POM121L2: variants seen among roughly 807,000 people sequenced by gnomAD.
POM121L2 encodes the protein POM121-like protein 2.
For missense variants in POM121L2, 1,167 were observed against 1,260.3 expected, an observed-to-expected ratio of 0.93 and a Z score of 1.12; for synonymous variants, 459 against 483.8, an observed-to-expected ratio of 0.95 and a Z score of 0.67.
chr6:27,309,736 A>T lies in POM121L2; in HGVS notation c.2435T>A (p.Met812Lys). ...GSSAVALPTPMPTPAQPAFIS... is the reference protein window; with the variant it reads ...GSSAVALPTPKPTPAQPAFIS... ...GAAGGCTGGCTGAGCTGGAGTTGGCATGGGGGTTGGCAATGCCACTGCTGA... is the reference window on the plus strand; with the variant it reads ...GAAGGCTGGCTGAGCTGGAGTTGGCTTGGGGGTTGGCAATGCCACTGCTGA... Residue 812 changes from methionine (M) to lysine (K), a missense_variant, in exon 1 of 1, where the codon ATG (methionine) becomes AAG (lysine). Physicochemically the swap from Met to Lys is moderately conservative, Grantham distance 95. Coordinates refer to ENST00000444565, the MANE Select transcript of POM121L2 (RefSeq NM_033482.4). 1 of 1,551,688 alleles carries T rather than the reference A, an allele frequency of 6.4e-7. No individual in the cohort carries two copies. Among genetic ancestry groups the T allele is most frequent in the Non-Finnish European group, 8.7e-7 (1 of 1,146,990 alleles).
In POM121L2 at chr6:27,309,132, G is replaced by C. The variant is rs768139368; in HGVS notation, c.3039C>G (p.Gly1013=). ...GATTCTTTGGGGTTTTTGATTTTGC[G>C]CCAATGGAAAATGAAGAGGCTGATG... ...FRSSASSFSI[G]AKSKTPKNRE... The change falls in exon 1 of 1, where the codon GGC becomes GGG. Residue 1013 remains glycine, a synonymous_variant. Transcript: ENST00000444565. 1.9e-5 allele frequency: 30 copies of C among 1,551,636 alleles called. No homozygotes were observed. The highest frequency in any genetic ancestry group is 2.6e-5 in the Non-Finnish European group (30 of 1,147,018).
At position 27,311,138 on chromosome 6, in the gene POM121L2, A is replaced by G. The variant is rs1289935959; in HGVS notation, c.1033T>C (p.Ser345Pro). ...TTCCCCAAAGTCAAGTTCTCATCAG[A>G]GACTGCATAACCAAGCTGGGGAGGT... ...IPPPQLGYAV[S>P]DENLTLGKKA... The change falls in exon 1 of 1, where the codon TCT becomes CCT. Residue 345 changes from serine to proline, a missense_variant. Ser to Pro is a moderately conservative substitution (Grantham distance 74, BLOSUM62 -1). Coordinates refer to ENST00000444565, the MANE Select transcript of POM121L2 (RefSeq NM_033482.4). 1.3e-6 allele frequency: 2 copies of G among 1,551,730 alleles called. No homozygotes were observed. The highest frequency in any genetic ancestry group is 8.7e-7 in the Non-Finnish European group (1 of 1,147,046).
chr6:27,310,599 A>T lies in POM121L2; in HGVS notation c.1572T>A (p.Pro524=). 6.4e-7 allele frequency: 1 copy of T among 1,551,940 alleles called. No individual in the cohort carries two copies. The highest frequency in any genetic ancestry group is 1.2e-5 in the South Asian group (1 of 84,064). The change falls in exon 1 of 1, where the codon CCT becomes CCA. Residue 524 remains proline, a synonymous_variant. Coordinates refer to ENST00000444565, the MANE Select transcript of POM121L2 (RefSeq NM_033482.4). ...SPTSHLSASA[P]PDATSAHLML... ...TGAGGTGAGCAGAAGTTGCATCAGG[A>T]GGTGCAGATGCAGAAAGATGGGATG...
chr6:27,309,463 G>C lies in POM121L2; in HGVS notation c.2708C>G (p.Ser903Cys), dbSNP rs1242486922. The change falls in exon 1 of 1, where the codon TCT (serine) becomes TGT (cysteine). Residue 903 changes from serine (S) to cysteine (C), a missense_variant. By Grantham distance (112) the Ser-to-Cys change is moderately radical. Transcript: ENST00000444565. The stretch of plus-strand genomic sequence containing the variant: ...GTCTGGACCAGTCATTATGATCCCA[G>C]ACTCATCACAGTCCATAGGGGTCAC... ...GFVTPMDCDE[S>C]GIIMTGPDMS... 5.2e-6 allele frequency: 8 copies of C among 1,551,614 alleles called. No homozygotes were observed. The highest frequency in any genetic ancestry group is 7.0e-6 in the Non-Finnish European group (8 of 1,146,990).
At position 27,309,358 on chromosome 6, in the gene POM121L2, C is replaced by T; in HGVS notation, c.2813G>A (p.Gly938Asp). 6.4e-7 allele frequency: 1 copy of T among 1,551,572 alleles called. No homozygotes were observed. The highest frequency in any genetic ancestry group is 1.2e-5 in the South Asian group (1 of 84,034). ...CAGGCCTTCAGTGTTCTGGCTCCAG[C>T]CTTTTCCAAAGGGGATCATGGTGTT... ...TTNTMIPFGK[G>D]WSQNTEGLPS... Residue 938 changes from glycine (G) to aspartate (D), a missense_variant, in exon 1 of 1, where the codon GGC (glycine) becomes GAC (aspartate). Physicochemically the swap from Gly to Asp is moderately conservative, Grantham distance 94. Transcript: ENST00000444565.
chr6:27,310,541 T>C lies in POM121L2; in HGVS notation c.1630A>G (p.Ser544Gly), dbSNP rs1237855265. Reference protein sequence around the residue: ...LKPILGPLHNSEIGSSSYSRI... With the variant: ...LKPILGPLHNGEIGSSSYSRI... ...GAATATGAGGAGCTTCCAATCTCGC[T>C]GTTGTGCAGGGGCCCCAAAATCGGT... The change falls in exon 1 of 1, where the codon AGC (serine) becomes GGC (glycine). Residue 544 changes from serine to glycine, a missense_variant. Transcript: ENST00000444565. The C allele has an allele frequency of 6.4e-7, 1 of 1,552,098 alleles. No individual in the cohort carries two copies. Among genetic ancestry groups the C allele is most frequent in the Non-Finnish European group, 8.7e-7 (1 of 1,147,124 alleles).
Position 27,309,668 on chromosome 6 carries a change from C to A in POM121L2, c.2503G>T (p.Ala835Ser). Residue 835 changes from alanine (A) to serine (S), a missense_variant, in exon 1 of 1, where the codon GCC (alanine) becomes TCC (serine). Physicochemically the swap from Ala to Ser is moderately conservative, Grantham distance 99. Coordinates refer to ENST00000444565, the MANE Select transcript of POM121L2 (RefSeq NM_033482.4). Reference sequence around the variant, plus strand: ...CTGGCAGGGGTTTGAGAGGTGGAGGCTGAGGGTGTCAAACACCCCAAGGCT... The same window carrying A: ...CTGGCAGGGGTTTGAGAGGTGGAGGATGAGGGTGTCAAACACCCCAAGGCT... ...QSALGCLTPS[A>S]STSQTPASTW... 6.4e-7 allele frequency: 1 copy of A among 1,551,708 alleles called. No homozygotes were observed. Among genetic ancestry groups the A allele is most frequent in the Non-Finnish European group, 8.7e-7 (1 of 1,147,010 alleles).
Position 27,309,602 on chromosome 6 carries a change from T to G in POM121L2, c.2569A>C (p.Ile857Leu). 1 of 1,551,734 alleles carries G rather than the reference T, an allele frequency of 6.4e-7. No individual in the cohort carries two copies. Among genetic ancestry groups the G allele is most frequent in the Non-Finnish European group, 8.7e-7 (1 of 1,146,984 alleles). Residue 857 changes from isoleucine (I) to leucine (L), a missense_variant, in exon 1 of 1, where the codon ATT becomes CTT. Transcript: ENST00000444565. ...GIGGIPAGFP[I>L]SQASTTGFRI... ...AACCCAGTTGTACTAGCTTGACTAA[T>G]GGGAAAACCTGCTGGAATGCCGCCA... is the stretch of plus-strand genomic sequence containing the variant.
Position 27,310,974 on chromosome 6 carries a change from C to T in POM121L2, c.1197G>A (p.Gln399=). The T allele has an allele frequency of 6.4e-7, 1 of 1,551,924 alleles. No homozygotes were observed. The highest frequency in any genetic ancestry group is 8.7e-7 in the Non-Finnish European group (1 of 1,146,884). Residue 399 remains glutamine, a synonymous_variant, in exon 1 of 1, where the codon CAG becomes CAA. Transcript: ENST00000444565. The stretch of plus-strand genomic sequence containing the variant: ...AGTTTTCCAACTGAGGATTTGCTCC[C>T]TGGGTTAGATCTGTTTCTGAAGAAG... ...ALPSSETDLT[Q]GANPQLENLR... is the part of the protein sequence containing the mutation.
rs1760700331 is a variant in POM121L2, at chr6:27,308,451, T to G, written c.*612A>C. On this transcript the variant is annotated 3_prime_UTR_variant, in exon 1 of 1. Coordinates refer to ENST00000444565, the MANE Select transcript of POM121L2 (RefSeq NM_033482.4). ...AAATAAATGTTCTTCAACAGGTGAA[T>G]GGATAAATGAACTGTGGTATACTCA... is the stretch of plus-strand genomic sequence containing the variant. Among the ~76,000 whole-genome samples the G allele has an allele frequency of 6.6e-6, 1 of 152,168 alleles. No homozygotes were observed. The highest frequency in any genetic ancestry group is 6.5e-5 in the Admixed American group (1 of 15,276).
rs1171514948 is a variant in POM121L2 at position 27,310,563 on chromosome 6, C to T, written c.1608G>A (p.Pro536=). 25 of 1,551,924 alleles carry T rather than the reference C, an allele frequency of 1.6e-5. No individual in the cohort carries two copies. The highest frequency in any genetic ancestry group is 4.9e-5 in the East Asian group (2 of 40,932). ...CGCTGTTGTGCAGGGGCCCCAAAAT[C>T]GGTTTTAACATGAGGTGAGCAGAAG... ...DATSAHLMLK[P]ILGPLHNSEI... is the part of the protein sequence containing the mutation. Residue 536 remains proline (P), a synonymous_variant, in exon 1 of 1, where the codon CCG becomes CCA. Transcript: ENST00000444565.
chr6:27,310,703 C>T lies in POM121L2; in HGVS notation c.1468G>A (p.Asp490Asn), dbSNP rs536575912. Residue 490 changes from aspartate to asparagine, a missense_variant, in exon 1 of 1, where the codon GAC becomes AAC. Transcript: ENST00000444565. Reference sequence around the variant, plus strand: ...GGGTCTGGGGGCATGGGAGACCTGTCAGCCTGAGAGGTTGAAGGCGGCCAG... The same window carrying T: ...GGGTCTGGGGGCATGGGAGACCTGTTAGCCTGAGAGGTTGAAGGCGGCCAG... Reference protein sequence around the residue: ...TTWPPSTSQADRSPMPPDPPA... With the variant: ...TTWPPSTSQANRSPMPPDPPA... 1 of 1,551,870 alleles carries T rather than the reference C, an allele frequency of 6.4e-7. No homozygotes were observed. Among genetic ancestry groups the T allele is most frequent in the South Asian group, 1.2e-5 (1 of 84,046 alleles).
rs1395124027 is a variant in POM121L2 at position 27,311,398 on chromosome 6, C to A, written c.773G>T (p.Ser258Ile). Residue 258 changes from serine (S) to isoleucine (I), a missense_variant, in exon 1 of 1, where the codon AGC becomes ATC. Ser to Ile is a moderately radical substitution (Grantham distance 142). Transcript: ENST00000444565. The stretch of plus-strand genomic sequence containing the variant: ...GAAATTTCTGCAAGAGCTGTAAGAG[C>A]TGCCAATAGCATTCCTTTTGGAGCT... ...TLSSKRNAIG[S>I]SYSSCRNFSD... is the part of the protein sequence containing the mutation. 4 of 1,551,756 alleles carry A rather than the reference C, an allele frequency of 2.6e-6. No individual in the cohort carries two copies. In the South Asian group the frequency reaches 4.8e-5, roughly 18 times the overall value.
chr6:27,310,191 G>A lies in POM121L2; in HGVS notation c.1980C>T (p.Ser660=), dbSNP rs1219316188. 1.9e-6 allele frequency: 3 copies of A among 1,552,224 alleles called. No homozygotes were observed. The highest frequency in any genetic ancestry group is 1.7e-6 in the Non-Finnish European group (2 of 1,147,108). Residue 660 remains serine (S), a synonymous_variant, in exon 1 of 1, where the codon TCC becomes TCT. Transcript: ENST00000444565. Reference sequence around the variant, plus strand: ...TCCCAAGCAGGAAAGTGTCGCAAGTGGAAGGGACAGAATAAGTGTTGCCTA... The same window carrying A: ...TCCCAAGCAGGAAAGTGTCGCAAGTAGAAGGGACAGAATAAGTGTTGCCTA... The part of the protein sequence containing the change: ...SAVGNTYSVP[S]TCDTFLLGTA...
rs1485036815 is a variant in POM121L2, at chr6:27,309,239, G to T, written c.2932C>A (p.Gln978Lys). 5 of 1,551,726 alleles carry T rather than the reference G, an allele frequency of 3.2e-6. No homozygotes were observed. In the African/African-American group the frequency reaches 5.5e-5, roughly 17 times the overall value. ...CCAACACTGCTGCCTGCCTTAGCTT[G>T]TCCAGGGACTGGGGTGTTTTGAGCA... ...PIAQNTPVPG[Q>K]AKAGSSVGFG... Residue 978 changes from glutamine to lysine, a missense_variant, in exon 1 of 1, where the codon CAA (glutamine) becomes AAA (lysine). Transcript: ENST00000444565.
In POM121L2 at chr6:27,309,455, T is replaced by C; in HGVS notation, c.2716A>G (p.Ile906Val). 1 of 1,551,674 alleles carries C rather than the reference T, an allele frequency of 6.4e-7. No homozygotes were observed. Among genetic ancestry groups the C allele is most frequent in the South Asian group, 1.2e-5 (1 of 84,048 alleles). Reference protein sequence around the residue: ...TPMDCDESGIIMTGPDMSPTS... With the variant: ...TPMDCDESGIVMTGPDMSPTS... Reference sequence around the variant, plus strand: ...GGGCTCATGTCTGGACCAGTCATTATGATCCCAGACTCATCACAGTCCATA... The same window carrying C: ...GGGCTCATGTCTGGACCAGTCATTACGATCCCAGACTCATCACAGTCCATA... The change falls in exon 1 of 1, where the codon ATA becomes GTA. Residue 906 changes from isoleucine to valine, a missense_variant. Transcript: ENST00000444565.
In POM121L2 at chr6:27,308,994, G is replaced by T; in HGVS notation, c.*69C>A. Reference sequence around the variant, plus strand: ...GGAGTATGTTTACTTTAGAAAATTGGAAGACACTGAGGTTTTTCAAAAACA... The same window carrying T: ...GGAGTATGTTTACTTTAGAAAATTGTAAGACACTGAGGTTTTTCAAAAACA... On this transcript the variant is annotated 3_prime_UTR_variant, in exon 1 of 1. Transcript: ENST00000444565. 3 of 1,194,002 alleles carry T rather than the reference G, an allele frequency of 2.5e-6. No individual in the cohort carries two copies. The highest frequency in any genetic ancestry group is 3.5e-6 in the Non-Finnish European group (3 of 862,932). 74.0% of individuals were successfully genotyped at this position (1,194,002 alleles called of 1,614,324 possible).
Position 27,311,658 on chromosome 6 carries a change from C to A in POM121L2, c.513G>T (p.Gly171=). ...RALRECRKGK[G]RLEEPLFPES... is the part of the protein sequence containing the mutation. ...CAGGGAATAGTGGTTCTTCCAACCT[C>A]CCTTTCCCTTTTCTGCACTCTCTGA... is the stretch of plus-strand genomic sequence containing the variant. Residue 171 remains glycine, a synonymous_variant, in exon 1 of 1, where the codon GGG becomes GGT. Coordinates refer to ENST00000444565, the MANE Select transcript of POM121L2 (RefSeq NM_033482.4). 1 of 1,551,874 alleles carries A rather than the reference C, an allele frequency of 6.4e-7. No homozygotes were observed.
In POM121L2 at chr6:27,311,915, T is replaced by C; in HGVS notation, c.256A>G (p.Asn86Asp). The change falls in exon 1 of 1, where the codon AAT becomes GAT. Residue 86 changes from asparagine (N) to aspartate (D), a missense_variant. Transcript: ENST00000444565. ...WRRFPMKKSQ[N>D]SPLGPLPSDW... ...GAAGGGAGAGGCCCCAGGGGGGAAT[T>C]CTGGGACTTCTTCATGGGAAAGCGC... The C allele has an allele frequency of 1.3e-6, 2 of 1,551,682 alleles. No individual in the cohort carries two copies. The highest frequency in any genetic ancestry group is 1.7e-6 in the Non-Finnish European group (2 of 1,147,000).
Sources: allele counts gnomAD v4.1 joint callset (sites outside exome capture counted in the v4.1 genomes callset), GRCh38; gene constraint gnomAD v4.1.1; transcripts MANE v1.5; gene names NCBI Gene and HGNC (gene_info 2026-07-23, HGNC 2026-07-21).